The following KAT2B variants were observed in gnomAD, a reference collection of about 807,000 sequenced individuals.
The protein encoded by KAT2B is histone acetyltransferase KAT2B.
A neutral mutation model predicts 105.9 loss-of-function variants in KAT2B; 36 were observed. The ratio of observed to expected loss-of-function variants is 0.34; its 90% confidence interval spans 0.26 to 0.45. KAT2B has a LOEUF of 0.45. KAT2B is among the 20% of genes least tolerant of loss of function. The pLI, the probability that KAT2B is intolerant of heterozygous loss-of-function variation, is 1.00. For synonymous variants in KAT2B, 397 were observed against 377.9 expected (o/e 1.05, Z -0.59); for missense variants, 820 against 1,021.6 (o/e 0.80, Z 2.69).
At chr3:20,110,053 G>A (rs929043493) in intron 5 of KAT2B, among the ~76,000 whole-genome samples, 2 of 152,028 alleles carry the variant, frequency 1.3e-5, no homozygotes, top group African/African-American at 4.8e-5. Context: ...AAAGTCAGGA[G>A]CATGAATAAA....
intron 17 of KAT2B, among the ~76,000 whole-genome samples, chr3:20,150,642 GAAAA>G (rs1227802268): frequency 6.6e-6 from 1 of 152,056 alleles, no homozygotes; most frequent in Non-Finnish European, 1.5e-5. Context: ...TTTGTCAATT[GAAAA>G]AACTCTACGA....
At position 20,081,289 on chromosome 3, in the gene KAT2B, A is replaced by C. The variant is rs369627172; in HGVS notation, c.430+8830A>C. Among the ~76,000 whole-genome samples the C allele has an allele frequency of 2.6e-5, 4 of 152,284 alleles. No homozygotes were observed. In the South Asian group the frequency reaches 6.2e-4, roughly 24 times the overall value. ...ATGTGAGGACTGGCTGACTGTCTTC[A>C]CGAGAAGTGCAGGCCAATGATACAC... On this transcript the variant is annotated intron_variant, in intron 2 of 17. Transcript: ENST00000263754.
At chr3:20,101,187 G>T in intron 4 of KAT2B, 100 bp from the exon 5 acceptor site, 1 of 904,586 alleles carries the variant, frequency 1.1e-6, no homozygotes. Flanking sequence ...AGAAATGTCT[G>T]TTATTTTGCT....
intron 1 of KAT2B, among the ~76,000 whole-genome samples, chr3:20,049,909 T>C (rs1242323050): frequency 6.6e-6 from 1 of 152,108 alleles, no homozygotes; most frequent in African/African-American, 2.4e-5. Flanking sequence ...CTTGAAAGTT[T>C]AGAAGTCCAG....
chr3:20,146,852 T>C (rs150426554), intron 14 of KAT2B, among the ~76,000 whole-genome samples: 32 of 152,326 alleles, frequency 2.1e-4, no homozygotes, highest in African/African-American at 7.2e-4. Context: ...CCGAACACCT[T>C]ACTGTTTGCA....
In KAT2B at chr3:20,062,388, CATAATAA is replaced by C. The variant is rs1352743830; in HGVS notation, c.304-9942_304-9936del. On this transcript the variant is annotated intron_variant, in intron 1 of 17. Transcript: ENST00000263754. ...ATAATTTATAATATATTATATATAA[CATAATAA>C]ATTATATATTATATATTATATATTA... Among the ~76,000 whole-genome samples, 65 of 105,150 alleles carry C rather than the reference CATAATAA, an allele frequency of 6.2e-4. 1 individual carries two copies. The highest frequency in any genetic ancestry group is 1.3e-3 in the South Asian group (5 of 3,982). 69.0% of individuals were successfully genotyped at this position (105,150 alleles called of 152,430 possible).
At chr3:20,135,980 C>T (rs9829896) in intron 11 of KAT2B, among the ~76,000 whole-genome samples, 4 of 151,986 alleles carry the variant, frequency 2.6e-5, no homozygotes, top group African/African-American at 4.8e-5. Flanking sequence ...CCTACGTTGG[C>T]GGTGTTCTAG....
intron 1 of KAT2B, among the ~76,000 whole-genome samples, chr3:20,062,625 C>T (rs1225814713): frequency 6.6e-6 from 1 of 151,222 alleles, no homozygotes; most frequent in African/African-American, 2.4e-5. Flanking sequence ...CCACGCCCAG[C>T]CAATTTTTGT....
At chr3:20,074,434 G>A (rs1698382581) in intron 2 of KAT2B, among the ~76,000 whole-genome samples, 1 of 152,112 alleles carries the variant, frequency 6.6e-6, no homozygotes, top group South Asian at 2.1e-4. Flanking sequence ...CTCTGAAATG[G>A]GTTAATACAT....
chr3:20,074,527 A>G (rs1430606352), intron 2 of KAT2B, among the ~76,000 whole-genome samples: 1 of 152,222 alleles, frequency 6.6e-6, no homozygotes. Context: ...ATGTAAATAC[A>G]TGATTATTGG....
At position 20,081,847 on chromosome 3, in the gene KAT2B, T is replaced by C. The variant is rs1027316039; in HGVS notation, c.430+9388T>C. Among the ~76,000 whole-genome samples the C allele has an allele frequency of 3.4e-5, 5 of 146,180 alleles. No homozygotes were observed. In the Admixed American group the frequency reaches 3.4e-4, roughly 10 times the overall value. ...TCCTTTCCCTAGATTTACCTATTAGTAACATTTTATTTTATTTGCTGTCAT... is the reference window on the plus strand; with the variant it reads ...TCCTTTCCCTAGATTTACCTATTAGCAACATTTTATTTTATTTGCTGTCAT... On this transcript the variant is annotated intron_variant, in intron 2 of 17. Transcript: ENST00000263754.
At chr3:20,051,577 T>C (rs921154023) in intron 1 of KAT2B, among the ~76,000 whole-genome samples, 1 of 152,192 alleles carries the variant, frequency 6.6e-6, no homozygotes, top group African/African-American at 2.4e-5. Context: ...ATGCCACCTT[T>C]CTTATGTGGG....
At chr3:20,052,695 C>T (rs892466632) in intron 1 of KAT2B, among the ~76,000 whole-genome samples, 4 of 149,620 alleles carry the variant, frequency 2.7e-5, no homozygotes, top group Non-Finnish European at 5.9e-5. Flanking sequence ...AGGCCGGGCA[C>T]GGTGGCTCAT....
At chr3:20,069,056 AG>A (rs1231731085) in intron 1 of KAT2B, among the ~76,000 whole-genome samples, 1 of 152,158 alleles carries the variant, frequency 6.6e-6, no homozygotes, top group Non-Finnish European at 1.5e-5. Context: ...TTACCATTTT[AG>A]GTGCATTGGT....
intron 9 of KAT2B, 198 bp downstream of exon 9, chr3:20,123,002 C>T: frequency 1.1e-6 from 1 of 944,134 alleles, no homozygotes; most frequent in South Asian, 4.9e-5. Context: ...TATCACATCA[C>T]AGGTCCACTT....
intron 7 of KAT2B, among the ~76,000 whole-genome samples, chr3:20,117,902 G>A (rs1447848130): frequency 6.6e-6 from 1 of 151,898 alleles, no homozygotes; most frequent in Non-Finnish European, 1.5e-5. Flanking sequence ...TTTTTGTTTG[G>A]AAATACTGTC....
intron 1 of KAT2B, among the ~76,000 whole-genome samples, chr3:20,051,477 C>T (rs1456851032): frequency 6.6e-6 from 1 of 152,276 alleles, no homozygotes; most frequent in East Asian, 1.9e-4. Context: ...ACGTTGTAGT[C>T]GGTGAGCCAT....
At position 20,110,347 on chromosome 3, in the gene KAT2B, A is replaced by C. The variant is rs1699097680; in HGVS notation, c.852-1249A>C. On this transcript the variant is annotated intron_variant, in intron 5 of 17. Transcript: ENST00000263754. ...TATTTATGTTTTTGGGTCCTGGGAA[A>C]TTCACATCTTCACTTCTGGGAGATA... Among the ~76,000 whole-genome samples, 2 of 152,080 alleles carry C rather than the reference A, an allele frequency of 1.3e-5. 1 individual carries two copies. The highest frequency in any genetic ancestry group is 4.8e-5 in the African/African-American group (2 of 41,468).
chr3:20,123,532 A>G (rs982773512), intron 9 of KAT2B, among the ~76,000 whole-genome samples: 1 of 152,242 alleles, frequency 6.6e-6, no homozygotes, highest in Non-Finnish European at 1.5e-5. Context: ...CTTGCAAAGT[A>G]TGAAATATTT....
Sources: gnomAD v4.1 joint callset for allele counts (sites outside exome capture counted in the v4.1 genomes callset) on GRCh38, gnomAD v4.1.1 for gene constraint, MANE v1.5 for transcripts, NCBI Gene and HGNC (gene_info 2026-07-23, HGNC 2026-07-21) for gene names.